The following TP63 variants were observed in gnomAD, a reference collection of about 807,000 sequenced individuals.
The protein encoded by TP63 is tumor protein p63.
A neutral mutation model predicts 82.8 loss-of-function variants in TP63; 17 were observed. The ratio of observed to expected loss-of-function variants is 0.21; its 90% CI spans 0.14 to 0.31. The LOEUF (loss-of-function observed/expected upper bound fraction) is 0.31, where lower values mean the gene tolerates loss of function less well. TP63 is among the 10% of genes least tolerant of loss of function. TP63 has a pLI of 1.00. For synonymous variants in TP63, 330 were observed against 321.7 expected, an observed-to-expected ratio of 1.03 and a Z score of -0.28; for missense variants, 648 against 895.3, an observed-to-expected ratio of 0.72 and a Z score of 3.52.
chr3:189,774,458 G>C (rs1723626800), intron 3 of TP63, among the ~76,000 whole-genome samples: 1 of 152,162 alleles, frequency 6.6e-6, no homozygotes, highest in Admixed American at 6.5e-5. Flanking sequence ...GTCTCAGGTT[G>C]ACATAATTAA....
chr3:189,832,712 C>T (rs1712548000), intron 4 of TP63, among the ~76,000 whole-genome samples: 1 of 152,182 alleles, frequency 6.6e-6, no homozygotes, highest in Non-Finnish European at 1.5e-5. Flanking sequence ...AGGTCAAAAA[C>T]TCCATAAGAC....
intron 3 of TP63, among the ~76,000 whole-genome samples, chr3:189,780,448 C>T (rs752961481): frequency 1.3e-5 from 2 of 152,178 alleles, no homozygotes; most frequent in African/African-American, 2.4e-5. Context: ...TTCTTGCACT[C>T]TTGAAGTTGG....
intron 3 of TP63, among the ~76,000 whole-genome samples, chr3:189,793,675 T>C (rs1725396953): frequency 6.6e-6 from 1 of 152,040 alleles, no homozygotes; most frequent in South Asian, 2.1e-4. Context: ...AACTTTTCTC[T>C]CCCCTTGAAT....
intron 1 of TP63, among the ~76,000 whole-genome samples, chr3:189,722,542 C>G (rs774266210): frequency 2.6e-5 from 4 of 152,174 alleles, no homozygotes; most frequent in Middle Eastern, 3.2e-3. Context: ...AAGATCCCAG[C>G]CAGTGAACGC....
At chr3:189,881,859 A>G (rs1430129044) in intron 10 of TP63, among the ~76,000 whole-genome samples, 4 of 152,322 alleles carry the variant, frequency 2.6e-5, no homozygotes, top group South Asian at 2.1e-4. Context: ...GTGAATTTCA[A>G]TCAAATCCAA....
At chr3:189,874,169 A>T (rs773805339) in intron 10 of TP63, among the ~76,000 whole-genome samples, 1 of 152,082 alleles carries the variant, frequency 6.6e-6, no homozygotes, top group East Asian at 1.9e-4. Context: ...TAGCGGGTTC[A>T]AGTGATTCTC....
chr3:189,607,711 C>T, the TP63 span, among the ~76,000 whole-genome samples: 5 of 151,716 alleles, frequency 3.3e-5, no homozygotes, highest in Admixed American at 6.6e-5. Flanking sequence ...TTAAAATTAT[C>T]GTACATATAA....
chr3:189,737,272 A>C (rs186445098), intron 1 of TP63, among the ~76,000 whole-genome samples: 4 of 152,096 alleles, frequency 2.6e-5, no homozygotes, highest in Non-Finnish European at 4.4e-5. Context: ...CTGAGGAAAA[A>C]ATTTAAATTT....
In TP63 at chr3:189,671,881, G is replaced by A. The variant is rs146698914; in HGVS notation, c.62+40304G>A. ...GTGAGTAGAACTGTGGTTATCAGAG[G>A]CTGGGAAGGGTAGCAAGGAGGGAAA... is the stretch of plus-strand genomic sequence containing the variant. On this transcript the variant is annotated intron_variant, in intron 1 of 13. Coordinates refer to ENST00000264731, the MANE Select transcript of TP63 (RefSeq NM_003722.5). 9.4e-3 allele frequency among the ~76,000 whole-genome samples: 1,428 copies of A among 152,148 alleles called. 11 individuals are homozygous for A. The highest frequency in any genetic ancestry group is 0.037 in the Middle Eastern group (11 of 294).
intron 10 of TP63, among the ~76,000 whole-genome samples, chr3:189,876,791 T>TAAAAAAGAA (rs1192695269): frequency 6.6e-6 from 1 of 152,184 alleles, no homozygotes; most frequent in Admixed American, 6.5e-5. Context: ...CATGAATGAC[T>TAAAAAAGAA]AAACAAAGAA....
At chr3:189,770,657 T>G (rs1455432473) in intron 3 of TP63, among the ~76,000 whole-genome samples, 1 of 152,232 alleles carries the variant, frequency 6.6e-6, no homozygotes, top group Non-Finnish European at 1.5e-5. Context: ...TTGAATATTA[T>G]TATGCCTAGA....
chr3:189,800,350 A>G (rs1000084786), intron 3 of TP63, among the ~76,000 whole-genome samples: 2 of 152,076 alleles, frequency 1.3e-5, no homozygotes, highest in African/African-American at 4.8e-5. Flanking sequence ...TAAGCTTGAG[A>G]GTGACAAGAT....
chr3:189,668,646 C>T (rs942752739), intron 1 of TP63, among the ~76,000 whole-genome samples: 5 of 152,024 alleles, frequency 3.3e-5, no homozygotes, highest in African/African-American at 1.2e-4. Flanking sequence ...AGGACAATAT[C>T]AAAGGATCTT....
At position 189,886,278 on chromosome 3, in the gene TP63, A is replaced by G; in HGVS notation, c.1350-116A>G. The G allele has an allele frequency of 2.6e-6, 3 of 1,174,182 alleles. 1 individual carries two copies. In the South Asian group the frequency reaches 3.8e-5, roughly 15 times the overall value. The allele number at this position is 1,174,182 out of a possible 1,614,324, so 72.7% of individuals were successfully genotyped here. A position where few individuals can be genotyped will look rare whatever the true frequency, so the allele number is the denominator to read the frequency against. On this transcript the variant is annotated intron_variant, in intron 10 of 13. Coordinates refer to ENST00000264731, the MANE Select transcript of TP63 (RefSeq NM_003722.5). ...AACTTCTTACCATTAATCCTAGAAG[A>G]ATGTTTTCAAATGTTTGGTTTGAGG...
intron 4 of TP63, among the ~76,000 whole-genome samples, chr3:189,842,273 C>T (rs1390531752): frequency 6.6e-6 from 1 of 152,066 alleles, no homozygotes; most frequent in Admixed American, 6.5e-5. Context: ...CCATAAAGCT[C>T]TCCGATCTGC....
Position 189,838,917 on chromosome 3 carries a change from CATT to C in TP63, c.580-25311_580-25309del, listed in dbSNP as rs776548272. Among the ~76,000 whole-genome samples, 316 of 151,650 alleles carry C rather than the reference CATT, an allele frequency of 2.1e-3. 1 individual carries two copies. The highest frequency in any genetic ancestry group is 3.5e-3 in the Non-Finnish European group (235 of 67,896). ...GTAGAGCCTTGAACTAAATTTATCT[CATT>C]ATTGTTCACTTGAAACCTTGGGGAC... On this transcript the variant is annotated intron_variant, in intron 4 of 13. Transcript: ENST00000264731.
At chr3:189,891,214 C>A (rs1196613319) in intron 13 of TP63, among the ~76,000 whole-genome samples, 1 of 152,164 alleles carries the variant, frequency 6.6e-6, no homozygotes, top group Non-Finnish European at 1.5e-5. Context: ...TTTGAGTGTG[C>A]TCATTAATCT....
chr3:189,848,892 A>G (rs1296946961), intron 4 of TP63, among the ~76,000 whole-genome samples: 1 of 152,174 alleles, frequency 6.6e-6, no homozygotes, highest in Admixed American at 6.5e-5. Flanking sequence ...TTGTATGCTA[A>G]TGCTGGCTCA....
At chr3:189,662,483 A>G (rs1713970576) in intron 1 of TP63, among the ~76,000 whole-genome samples, 1 of 151,974 alleles carries the variant, frequency 6.6e-6, no homozygotes, top group Non-Finnish European at 1.5e-5. Flanking sequence ...CTATATGGTT[A>G]AGTATGTGTA....
Sources: allele counts gnomAD v4.1 joint callset (sites outside exome capture counted in the v4.1 genomes callset), GRCh38; gene constraint gnomAD v4.1.1; transcripts MANE v1.5; gene names NCBI Gene and HGNC (gene_info 2026-07-23, HGNC 2026-07-21).